CDK5: variants seen among roughly 807,000 people sequenced by gnomAD.
CDK5 encodes the protein cyclin dependent kinase 5.
In CDK5, 18 loss-of-function variants were observed where a neutral mutation model predicts 44.6. The ratio of observed to expected loss-of-function variants is 0.40; its 90% CI spans 0.28 to 0.60. The LOEUF (loss-of-function observed/expected upper bound fraction) is 0.60, where lower values mean the gene tolerates loss of function less well. Ranked by LOEUF, CDK5 falls within the 20% of genes least tolerant of loss-of-function variation. The probability of loss-of-function intolerance (pLI) is 0.38; values close to 1 mark genes in which losing one functional copy is unlikely to be tolerated. For missense variants in CDK5, 198 were observed against 368.1 expected, an observed-to-expected ratio of 0.54 and a Z score of 3.78; for synonymous variants, 143 against 152.8, an observed-to-expected ratio of 0.94 and a Z score of 0.47.
Position 151,054,667 on chromosome 7 carries a change from C to T in CDK5, c.651-202G>A, listed in dbSNP as rs985164624. ...ATCCAGCCACGTTTCCCATGACAAT[C>T]ACCTAACCCACATGCTGCTGTCCTA... On this transcript the variant is annotated intron_variant, in intron 9 of 11. Coordinates refer to ENST00000485972, the MANE Select transcript of CDK5 (RefSeq NM_004935.4). This position sits in a 1 kb window ranked among gnomAD's most constrained non-coding sequence, Gnocchi z 5.7. Among the ~76,000 whole-genome samples, 1 of 152,204 alleles carries T rather than the reference C, an allele frequency of 6.6e-6. No homozygotes were observed. Among genetic ancestry groups the T allele is most frequent in the East Asian group, 1.9e-4 (1 of 5,198 alleles).
rs1379015250 is a variant in CDK5 at position 151,057,747 on chromosome 7, G to A, written c.37+65C>T. 6.5e-7 allele frequency: 1 copy of A among 1,541,814 alleles called. No individual in the cohort carries two copies. Among genetic ancestry groups the A allele is most frequent in the African/African-American group, 1.4e-5 (1 of 73,382 alleles). ...GCATTGCTGACGGTAAGGGAGCCAG[G>A]GCTTCAAGGAATGCCGAAGGATCTG... is the stretch of plus-strand genomic sequence containing the variant. On this transcript the variant is annotated intron_variant, in intron 1 of 11. Transcript: ENST00000485972. The surrounding 1 kb of genome is among the most constrained non-coding windows in gnomAD (Gnocchi z 5.2).
Position 151,057,316 on chromosome 7 carries a change from A to G in CDK5, c.38-156T>C. On this transcript the variant is annotated intron_variant, in intron 1 of 11. Transcript: ENST00000485972. This position sits in a 1 kb window ranked among gnomAD's most constrained non-coding sequence, Gnocchi z 5.2. ...TGAGCTTTGTGAGTGAGGATGTGGC[A>G]GGTGGGGAGGGAGGAGAAGGTGCCC... The G allele has an allele frequency of 1.4e-6, 1 of 696,062 alleles. No homozygotes were observed. The highest frequency in any genetic ancestry group is 1.7e-5 in the African/African-American group (1 of 57,424). The allele number at this position is 696,062 out of a possible 1,614,324, so 43.1% of individuals were successfully genotyped here.
At position 151,057,780 on chromosome 7, in the gene CDK5, G is replaced by A. The variant is rs1358655792; in HGVS notation, c.37+32C>T. 2 of 1,600,852 alleles carry A rather than the reference G, an allele frequency of 1.2e-6. No individual in the cohort carries two copies. Among genetic ancestry groups the A allele is most frequent in the Admixed American group, 1.7e-5 (1 of 58,986 alleles). On this transcript the variant is annotated intron_variant, in intron 1 of 11. Transcript: ENST00000485972. The surrounding 1 kb of genome is among the most constrained non-coding windows in gnomAD (Gnocchi z 5.2). Reference sequence around the variant, plus strand: ...GGAATGCCGAAGGATCTGCAGAGGAGCTCTTGCAGGAACATCTCGAGATTC... The same window carrying A: ...GGAATGCCGAAGGATCTGCAGAGGAACTCTTGCAGGAACATCTCGAGATTC...
In CDK5 at chr7:151,057,261, G is replaced by A. The variant is rs6971376; in HGVS notation, c.38-101C>T. 826 of 908,830 alleles carry A rather than the reference G, an allele frequency of 9.1e-4. 5 individuals are homozygous for A. Among genetic ancestry groups the A allele is most frequent in the African/African-American group, 8.2e-3 (504 of 61,548 alleles). The allele number at this position is 908,830 out of a possible 1,614,324, so 56.3% of individuals were successfully genotyped here. ...GTGAAGGCAGCGTCTCAGTATGCAA[G>A]GGAAGGGATTCAGGGTGAAGGTAGG... On this transcript the variant is annotated intron_variant, in intron 1 of 11. Transcript: ENST00000485972. This position sits in a 1 kb window ranked among gnomAD's most constrained non-coding sequence, Gnocchi z 5.2.
Position 151,055,036 on chromosome 7 carries a change from C to G in CDK5, c.641G>C (p.Arg214Thr). ...PGNDVDDQLK[R>T]IFRLLGTPTE... ...AGGAAAGCAAGGATATCGGAAGATCCTCTTCAACTGGTCATCGACATCATT... is the reference window on the plus strand; with the variant it reads ...AGGAAAGCAAGGATATCGGAAGATCGTCTTCAACTGGTCATCGACATCATT... Residue 214 changes from arginine to threonine, a missense_variant, in exon 9 of 12, where the codon AGG becomes ACG. Coordinates refer to ENST00000485972, the MANE Select transcript of CDK5 (RefSeq NM_004935.4). 6.2e-7 allele frequency: 1 copy of G among 1,613,836 alleles called. No individual in the cohort carries two copies. The highest frequency in any genetic ancestry group is 8.5e-7 in the Non-Finnish European group (1 of 1,179,834).
At position 151,057,418 on chromosome 7, in the gene CDK5, C is replaced by T; in HGVS notation, c.38-258G>A. The T allele has an allele frequency of 1.7e-6, 1 of 593,808 alleles. No individual in the cohort carries two copies. Among genetic ancestry groups the T allele is most frequent in the South Asian group, 2.0e-5 (1 of 50,440 alleles). The allele number at this position is 593,808 out of a possible 1,614,324, so 36.8% of individuals were successfully genotyped here. A position where few individuals can be genotyped will look rare whatever the true frequency, so the allele number is the denominator to read the frequency against. The stretch of plus-strand genomic sequence containing the variant: ...GGATGTCTAAAATGAAGGCGGTGCT[C>T]CGGAAGGGTCTGGAAATAGTGAGGA... On this transcript the variant is annotated intron_variant, in intron 1 of 11. Transcript: ENST00000485972. This position sits in a 1 kb window ranked among gnomAD's most constrained non-coding sequence, Gnocchi z 5.2.
Position 151,054,044 on chromosome 7 carries a change from G to T in CDK5, c.844C>A (p.Gln282Lys). 1 of 1,601,192 alleles carries T rather than the reference G, an allele frequency of 6.2e-7. No homozygotes were observed. Among genetic ancestry groups the T allele is most frequent in the Non-Finnish European group, 8.5e-7 (1 of 1,174,132 alleles). ...VQRISAEEAL[Q>K]HPYFSDFCPP ...CAGAAGTCGGAGAAGTAGGGGTGCT[G>T]CAGGGCCTCTTCTGCTGAGATACGC... is the stretch of plus-strand genomic sequence containing the variant. Residue 282 changes from glutamine to lysine, a missense_variant, in exon 12 of 12, where the codon CAG becomes AAG. Transcript: ENST00000485972. The surrounding 1 kb of genome is among the most constrained non-coding windows in gnomAD (Gnocchi z 5.7).
Position 151,056,913 on chromosome 7 carries a change from G to T in CDK5, c.189C>A (p.Ile63=). Residue 63 remains isoleucine (I), a synonymous_variant, in exon 3 of 12, where the codon ATC becomes ATA. Transcript: ENST00000485972. The surrounding 1 kb of genome is among the most constrained non-coding windows in gnomAD (Gnocchi z 4.7). ...CLLKELKHKN[I]VRLHDVLHSD... ...AGCACCCGCCTCCCGCACACCTGAC[G>T]ATGTTCTTGTGCTTCAGCTCCTTGA... The T allele has an allele frequency of 6.2e-7, 1 of 1,610,902 alleles. No homozygotes were observed. Among genetic ancestry groups the T allele is most frequent in the Non-Finnish European group, 8.5e-7 (1 of 1,178,526 alleles).
Position 151,055,851 on chromosome 7 carries a change from GGGA to G in CDK5, c.313-6_313-4del, listed in dbSNP as rs1291670960. ...TTTAGTAGCTGGAAGAGGAATGACT[GGGA>G]GGAGAGAGGGAGAAGGGAGTCAGAC... On this transcript the variant is annotated splice_region_variant and splice_polypyrimidine_tract_variant and intron_variant, in intron 5 of 11. Transcript: ENST00000485972. The G allele has an allele frequency of 1.3e-6, 2 of 1,599,176 alleles. No individual in the cohort carries two copies. Among genetic ancestry groups the G allele is most frequent in the Non-Finnish European group, 1.7e-6 (2 of 1,170,980 alleles).
In CDK5 at chr7:151,057,666, G is replaced by T; in HGVS notation, c.37+146C>A. 1.2e-6 allele frequency: 1 copy of T among 831,688 alleles called. No homozygotes were observed. The allele number at this position is 831,688 out of a possible 1,614,324, so 51.5% of individuals were successfully genotyped here. A position where few individuals can be genotyped will look rare whatever the true frequency, so the allele number is the denominator to read the frequency against. ...ACACGGGGAAGACTGGTGTCTGCAC[G>T]GAGTGCTGAGCTAGGGGGCCAGGGC... On this transcript the variant is annotated intron_variant, in intron 1 of 11. Coordinates refer to ENST00000485972, the MANE Select transcript of CDK5 (RefSeq NM_004935.4). This position sits in a 1 kb window ranked among gnomAD's most constrained non-coding sequence, Gnocchi z 5.2.
At position 151,056,561 on chromosome 7, in the gene CDK5, C is replaced by G; in HGVS notation, c.312+19G>C. 1 of 1,607,992 alleles carries G rather than the reference C, an allele frequency of 6.2e-7. No individual in the cohort carries two copies. Among genetic ancestry groups the G allele is most frequent in the East Asian group, 2.2e-5 (1 of 44,860 alleles). ...CTCCGACCCCAGCCTGAGGGGTCCC[C>G]CAACACCACTCTCCTCACCTTTACA... is the stretch of plus-strand genomic sequence containing the variant. On this transcript the variant is annotated intron_variant, in intron 5 of 11. Transcript: ENST00000485972. This position sits in a 1 kb window ranked among gnomAD's most constrained non-coding sequence, Gnocchi z 4.7.
rs767434391 is a variant in CDK5 at position 151,056,858 on chromosome 7, C to T, written c.194+50G>A. ...CTGACAGACGTCCAGTGTCAGCCCC[C>T]GCCTCCCCCAAGCGGCCACACCGGC... On this transcript the variant is annotated intron_variant, in intron 3 of 11. Coordinates refer to ENST00000485972, the MANE Select transcript of CDK5 (RefSeq NM_004935.4). The surrounding 1 kb of genome is among the most constrained non-coding windows in gnomAD (Gnocchi z 4.7). 4.8e-5 allele frequency: 77 copies of T among 1,593,566 alleles called. No homozygotes were observed. Among genetic ancestry groups the T allele is most frequent in the Middle Eastern group, 3.3e-4 (2 of 6,068 alleles).
chr7:151,055,018 C>T lies in CDK5; in HGVS notation c.650+9G>A. The T allele has an allele frequency of 1.2e-6, 2 of 1,613,708 alleles. No individual in the cohort carries two copies. The highest frequency in any genetic ancestry group is 1.3e-5 in the African/African-American group (1 of 75,018). ...CCAGAGGGCTCAAGGCAGAGGAAAG[C>T]AAGGATATCGGAAGATCCTCTTCAA... On this transcript the variant is annotated intron_variant, in intron 9 of 11. Coordinates refer to ENST00000485972, the MANE Select transcript of CDK5 (RefSeq NM_004935.4).
In CDK5 at chr7:151,053,913, G is replaced by T; in HGVS notation, c.*96C>A. The T allele has an allele frequency of 1.8e-6, 2 of 1,096,024 alleles. No homozygotes were observed. Among genetic ancestry groups the T allele is most frequent in the Non-Finnish European group, 2.6e-6 (2 of 757,606 alleles). The allele number at this position is 1,096,024 out of a possible 1,614,324, so 67.9% of individuals were successfully genotyped here. ...CACCCCGGCTGGGCCCAGCACTGCT[G>T]GAGCACAGCGCACCAGGCACCCCCA... On this transcript the variant is annotated 3_prime_UTR_variant, in exon 12 of 12. Coordinates refer to ENST00000485972, the MANE Select transcript of CDK5 (RefSeq NM_004935.4).
chr7:151,054,387 C>T lies in CDK5; in HGVS notation c.711+18G>A. 6.2e-7 allele frequency: 1 copy of T among 1,613,188 alleles called. No homozygotes were observed. Among genetic ancestry groups the T allele is most frequent in the Non-Finnish European group, 8.5e-7 (1 of 1,179,374 alleles). ...GAGTGACCCTGATGAACCATGACCC[C>T]CACATTCCCCATCACACCTTATAGT... On this transcript the variant is annotated intron_variant, in intron 10 of 11. Coordinates refer to ENST00000485972, the MANE Select transcript of CDK5 (RefSeq NM_004935.4). The surrounding 1 kb of genome is among the most constrained non-coding windows in gnomAD (Gnocchi z 5.7).
In CDK5 at chr7:151,057,268, G is replaced by A. The variant is rs753607510; in HGVS notation, c.38-108C>T. The stretch of plus-strand genomic sequence containing the variant: ...CAGCGTCTCAGTATGCAAGGGAAGG[G>A]ATTCAGGGTGAAGGTAGGTTGGTGA... On this transcript the variant is annotated intron_variant, in intron 1 of 11. Coordinates refer to ENST00000485972, the MANE Select transcript of CDK5 (RefSeq NM_004935.4). This position sits in a 1 kb window ranked among gnomAD's most constrained non-coding sequence, Gnocchi z 5.2. 4.6e-6 allele frequency: 4 copies of A among 870,852 alleles called. No homozygotes were observed. The highest frequency in any genetic ancestry group is 7.9e-6 in the Non-Finnish European group (4 of 508,210). The allele number at this position is 870,852 out of a possible 1,614,324, so 53.9% of individuals were successfully genotyped here.
Position 151,057,029 on chromosome 7 carries a change from C to A in CDK5, c.126+43G>T, listed in dbSNP as rs540638569. The A allele has an allele frequency of 3.1e-6, 5 of 1,613,220 alleles. No individual in the cohort carries two copies. The highest frequency in any genetic ancestry group is 1.3e-5 in the African/African-American group (1 of 75,020). ...CAGTCAGATCCCACCCAGCCCAGGC[C>A]CTCAAACCCCTCCCCAGGCCGTATC... On this transcript the variant is annotated intron_variant, in intron 2 of 11. Transcript: ENST00000485972. The surrounding 1 kb of genome is among the most constrained non-coding windows in gnomAD (Gnocchi z 5.2).
Position 151,055,737 on chromosome 7 carries a change from T to C in CDK5, c.408+16A>G. The C allele has an allele frequency of 6.3e-7, 1 of 1,595,396 alleles. No homozygotes were observed. Among genetic ancestry groups the C allele is most frequent in the South Asian group, 1.1e-5 (1 of 89,344 alleles). On this transcript the variant is annotated intron_variant, in intron 6 of 11. Transcript: ENST00000485972. ...GCCCCAGCCTCTCCATTCCCCACCT[T>C]CTTCCCAAGAAGTACCCTGTTTATT... is the stretch of plus-strand genomic sequence containing the variant.
chr7:151,055,503 C>G (rs1796877054), intron 7 of CDK5, 29 bp downstream of exon 7: 5 of 1,602,024 alleles, frequency 3.1e-6, no homozygotes, highest in African/African-American at 2.7e-5. Context: ...ACTCCCTCCC[C>G]CAATCCCATA....
Sources: gnomAD v4.1 joint callset for allele counts (sites outside exome capture counted in the v4.1 genomes callset) on GRCh38, gnomAD v4.1.1 for gene constraint, Gnocchi (gnomAD v3.1) non-coding constraint, MANE v1.5 for transcripts, NCBI Gene and HGNC (gene_info 2026-07-23, HGNC 2026-07-21) for gene names.